Variants in ANKMY1 observed in about 807,000 individuals in gnomAD.
The protein encoded by ANKMY1 is ankyrin repeat and MYND domain-containing protein 1.
Under a neutral mutation model 102.0 loss-of-function variants are expected in ANKMY1, and 98 were observed. The ratio of observed to expected loss-of-function variants is 0.96; its 90% CI spans 0.82 to 1.14. The LOEUF is 1.14. Ranked by LOEUF, ANKMY1 falls within the 50% of genes most tolerant of loss-of-function variation. ANKMY1 has a pLI of 0.00. For synonymous variants in ANKMY1, 582 were observed against 559.9 expected (o/e 1.04, Z -0.56); for missense variants, 1,330 against 1,347.6 (o/e 0.99, Z 0.20).
At chr2:240,554,507 T>G (rs2092042815) in intron 3 of ANKMY1, 1 of 187,334 alleles carries the variant, frequency 5.3e-6, no homozygotes, top group South Asian at 1.4e-4. Context: ...TGTTCTCATT[T>G]TGTCTTTTAG....
chr2:240,522,694 G>T (rs2082547528), intron 8 of ANKMY1: 1 of 152,240 alleles, frequency 6.6e-6, no homozygotes, highest in Non-Finnish European at 1.5e-5. Flanking sequence ...TTCAACATCA[G>T]AACTTGGCCG....
chr2:240,493,134 C>G (rs756147038), intron 15 of ANKMY1, among the ~76,000 whole-genome samples: 1 of 150,160 alleles, frequency 6.7e-6, no homozygotes, highest in African/African-American at 2.5e-5. Context: ...CCAGCCTGAC[C>G]AATATGGTGA....
chr2:240,525,993 A>C (rs1251999556), intron 6 of ANKMY1, 144 bp from the exon 7 acceptor site: 3 of 1,117,220 alleles, frequency 2.7e-6, no homozygotes, highest in Non-Finnish European at 3.9e-6. Flanking sequence ...CAAAGGGACA[A>C]GTGTGGGACA....
At chr2:240,472,286 TACCA>T in the ANKMY1 span, among the ~76,000 whole-genome samples, 1 of 151,968 alleles carries the variant, frequency 6.6e-6, no homozygotes, top group South Asian at 2.1e-4. Flanking sequence ...GAGGCAGGCC[TACCA>T]ATCTACAACT....
chr2:240,534,327 A>AT (rs539959541), intron 4 of ANKMY1, among the ~76,000 whole-genome samples: 379 of 152,302 alleles, frequency 2.5e-3, no homozygotes, highest in African/African-American at 8.7e-3. Flanking sequence ...ATGACAAGAG[A>AT]TTTTTTTAGT....
chr2:240,503,075 C>G (rs576975889), intron 13 of ANKMY1, among the ~76,000 whole-genome samples: 1 of 152,222 alleles, frequency 6.6e-6, no homozygotes, highest in Non-Finnish European at 1.5e-5. Flanking sequence ...CCCAGGGGCT[C>G]TGCCTCTGAG....
chr2:240,551,655 T>C (rs939234540), intron 4 of ANKMY1, among the ~76,000 whole-genome samples: 7 of 152,200 alleles, frequency 4.6e-5, no homozygotes, highest in African/African-American at 1.7e-4. Context: ...TCTATTTAGA[T>C]TAACCTTTGA....
chr2:240,538,687 C>G (rs781463505), intron 4 of ANKMY1, among the ~76,000 whole-genome samples: 1 of 152,148 alleles, frequency 6.6e-6, no homozygotes, highest in Non-Finnish European at 1.5e-5. Flanking sequence ...GGCACCTCCC[C>G]CAGTGGCCCT....
At chr2:240,483,160 T>A (rs771655716) in intron 15 of ANKMY1, among the ~76,000 whole-genome samples, 20 of 147,596 alleles carry the variant, frequency 1.4e-4, no homozygotes, top group Non-Finnish European at 2.2e-4. Flanking sequence ...TATCATCGAA[T>A]TTTTTTTTTT....
intron 11 of ANKMY1, among the ~76,000 whole-genome samples, chr2:240,511,629 G>A (rs1170269207): frequency 6.6e-6 from 1 of 152,256 alleles, no homozygotes; most frequent in Non-Finnish European, 1.5e-5. Context: ...CCTGTGGTAA[G>A]AAGTAGACTT....
At position 240,497,998 on chromosome 2, in the gene ANKMY1, C is replaced by T. The variant is rs149233622; in HGVS notation, c.2806+1960G>A. 6.7e-3 allele frequency among the ~76,000 whole-genome samples: 1,021 copies of T among 152,350 alleles called. 13 individuals carry two copies. Among genetic ancestry groups the T allele is most frequent in the African/African-American group, 0.022 (932 of 41,572 alleles). The stretch of plus-strand genomic sequence containing the variant: ...CAAGCCTGATTAGAACCCCAGTATC[C>T]TCAGGGGTGTCATGCCCAAGGCAGA... On this transcript the variant is annotated intron_variant, in intron 15 of 17. Transcript: ENST00000401804.
chr2:240,523,176 T>G (rs1316548418), intron 8 of ANKMY1: 5 of 152,298 alleles, frequency 3.3e-5, no homozygotes, highest in South Asian at 2.1e-4. Flanking sequence ...GAGCAAGATT[T>G]AATGCAATTT....
At chr2:240,514,101 CA>C (rs924614049) in intron 9 of ANKMY1, among the ~76,000 whole-genome samples, 1 of 152,234 alleles carries the variant, frequency 6.6e-6, no homozygotes. Context: ...ACCCCTAAAA[CA>C]GCAGCAGCAA....
At chr2:240,478,003 G>A (rs2074969160), downstream of ANKMY1, among the ~76,000 whole-genome samples, 1 of 152,134 alleles carries the variant, frequency 6.6e-6, no homozygotes, top group African/African-American at 2.4e-5. Flanking sequence ...CCCCAATGTG[G>A]GAGGTGATTG....
chr2:240,523,848 T>C (rs985866035), intron 8 of ANKMY1, 37 bp downstream of exon 8: 13 of 1,595,732 alleles, frequency 8.1e-6, no homozygotes, highest in Non-Finnish European at 1.1e-5. Context: ...GCCCTGATGG[T>C]GGCCCTCCAC....
intron 4 of ANKMY1, among the ~76,000 whole-genome samples, chr2:240,545,453 C>T (rs976847926): frequency 5.6e-4 from 86 of 152,216 alleles, no homozygotes; most frequent in Non-Finnish European, 9.4e-4. Context: ...AGCAGAGCGC[C>T]TCTCCTCCTT....
rs2079334525 is a variant in ANKMY1 at position 240,507,655 on chromosome 2, T to G, written c.2431A>C (p.Asn811His). ...CCCAAGCCTTTGGTCAGGGGCAGGTTGGGGTCAGCTCCCTGGGTCAGGAGC... is the reference window on the plus strand; with the variant it reads ...CCCAAGCCTTTGGTCAGGGGCAGGTGGGGGTCAGCTCCCTGGGTCAGGAGC... ...KELLTQGADPNLPLTKGLGSA... is the reference protein window; with the variant it reads ...KELLTQGADPHLPLTKGLGSA... The change falls in exon 13 of 18, where the codon AAC becomes CAC. Residue 811 changes from asparagine to histidine, a missense_variant. Asn to His is a moderately conservative substitution (Grantham distance 68, BLOSUM62 1). Transcript: ENST00000401804. 6.2e-7 allele frequency: 1 copy of G among 1,610,942 alleles called. No individual in the cohort carries two copies. Among genetic ancestry groups the G allele is most frequent in the Non-Finnish European group, 8.5e-7 (1 of 1,178,446 alleles).
chr2:240,555,974 C>T (rs2092303755), intron 2 of ANKMY1, among the ~76,000 whole-genome samples: 1 of 152,214 alleles, frequency 6.6e-6, no homozygotes, highest in African/African-American at 2.4e-5. Context: ...TGCAGGGCGG[C>T]CGTCCCTGGC....
chr2:240,545,227 G>C (rs1249944876), intron 4 of ANKMY1, among the ~76,000 whole-genome samples: 5 of 152,186 alleles, frequency 3.3e-5, no homozygotes, highest in Non-Finnish European at 7.3e-5. Context: ...GCCTAACTGG[G>C]AGGCACCCCC....
Sources: gnomAD v4.1 joint callset for allele counts (sites outside exome capture counted in the v4.1 genomes callset) on GRCh38, gnomAD v4.1.1 for gene constraint, MANE v1.5 for transcripts, NCBI Gene and HGNC (gene_info 2026-07-23, HGNC 2026-07-21) for gene names.